LRP1B: variants seen among roughly 807,000 people sequenced by gnomAD.
The protein encoded by LRP1B is LDL receptor related protein 1B.
LRP1B carries 217 observed loss-of-function variants against 556.6 expected under a neutral mutation model. The ratio of observed to expected loss-of-function variants is 0.39; its 90% CI spans 0.35 to 0.44. The LOEUF (loss-of-function observed/expected upper bound fraction) is 0.44, where lower values mean the gene tolerates loss of function less well. Among genes scored for constraint, LRP1B ranks in the 20% least tolerant of loss-of-function variants. The probability of loss-of-function intolerance (pLI) is 1.00; values close to 1 mark genes in which losing one functional copy is unlikely to be tolerated. For missense variants in LRP1B, 5,053 were observed against 5,620.8 expected (o/e 0.90, Z 3.23); for synonymous variants, 2,047 against 1,865.8 (o/e 1.10, Z -2.50).
chr2:141,289,765 A>C (rs1455879297), intron 3 of LRP1B, among the ~76,000 whole-genome samples: 1 of 152,176 alleles, frequency 6.6e-6, no homozygotes, highest in African/African-American at 2.4e-5. Context: ...AACAGTAACA[A>C]TGTGTTTATA....
At chr2:141,102,604 A>G (rs1700490906) in intron 7 of LRP1B, among the ~76,000 whole-genome samples, 1 of 152,066 alleles carries the variant, frequency 6.6e-6, no homozygotes, top group East Asian at 1.9e-4. Context: ...CATGGCTGGT[A>G]CTCATTTGTT....
intron 1 of LRP1B, among the ~76,000 whole-genome samples, chr2:142,115,498 TAATA>T (rs1255221603): frequency 1.1e-5 from 1 of 91,134 alleles, no homozygotes; most frequent in African/African-American, 4.1e-5. Flanking sequence ...TAATTATATA[TAATA>T]TATATTATAT....
At chr2:142,108,383 T>A (rs187025715) in intron 1 of LRP1B, among the ~76,000 whole-genome samples, 1 of 151,554 alleles carries the variant, frequency 6.6e-6, no homozygotes, top group Non-Finnish European at 1.5e-5. Context: ...CTTTTCGTGT[T>A]ATCCACTAAG....
At chr2:142,086,644 A>AAACAAAC (rs747968319) in intron 1 of LRP1B, among the ~76,000 whole-genome samples, 10 of 147,382 alleles carry the variant, frequency 6.8e-5, no homozygotes, top group African/African-American at 1.3e-4. Flanking sequence ...AACAAACAAA[A>AAACAAAC]AAAAAACACA....
At chr2:140,481,549 C>A (rs927325852) in intron 59 of LRP1B, among the ~76,000 whole-genome samples, 21 of 149,644 alleles carry the variant, frequency 1.4e-4, no homozygotes, top group African/African-American at 5.1e-4. Context: ...TTTTCTAACT[C>A]AAAAAATGCT....
intron 35 of LRP1B, among the ~76,000 whole-genome samples, chr2:140,754,757 G>C (rs1357941385): frequency 7.7e-6 from 1 of 130,430 alleles, no homozygotes; most frequent in Non-Finnish European, 1.6e-5. Flanking sequence ...TAATCTTCTT[G>C]CTTAAGAACT....
chr2:141,907,144 A>G (rs889731477), intron 1 of LRP1B, among the ~76,000 whole-genome samples: 1 of 152,050 alleles, frequency 6.6e-6, no homozygotes, highest in Non-Finnish European at 1.5e-5. Context: ...TTTACTGTGT[A>G]TCTGCTCTAC....
At chr2:141,018,471 A>G (rs79150277) in intron 12 of LRP1B, among the ~76,000 whole-genome samples, 2,150 of 152,178 alleles carry the variant, frequency 0.014, 69 homozygotes, top group East Asian at 0.13. Context: ...TAGGTTTCTA[A>G]TATAATCTGG....
intron 11 of LRP1B, among the ~76,000 whole-genome samples, chr2:141,025,899 T>C (rs1573994232): frequency 6.6e-6 from 1 of 152,036 alleles, no homozygotes; most frequent in Non-Finnish European, 1.5e-5. Context: ...GAAAAGTATA[T>C]ATTTCAGAGG....
chr2:141,133,158 G>GA (rs1183887588), intron 7 of LRP1B, among the ~76,000 whole-genome samples: 4 of 151,656 alleles, frequency 2.6e-5, no homozygotes, highest in African/African-American at 9.7e-5. Flanking sequence ...AGCACCACAG[G>GA]AAAAAATGCA....
chr2:140,822,125 G>A (rs1691351066), intron 31 of LRP1B, among the ~76,000 whole-genome samples: 1 of 152,174 alleles, frequency 6.6e-6, no homozygotes, highest in Non-Finnish European at 1.5e-5. Flanking sequence ...TTTATATGAG[G>A]CTTAAGGGAT....
intron 3 of LRP1B, among the ~76,000 whole-genome samples, chr2:141,405,191 T>C (rs1306241416): frequency 6.6e-6 from 1 of 152,232 alleles, no homozygotes; most frequent in Non-Finnish European, 1.5e-5. Context: ...ATATTTATTA[T>C]AGTAGTAAAA....
chr2:141,037,826 G>A (rs1367140107), intron 11 of LRP1B, among the ~76,000 whole-genome samples: 1 of 150,560 alleles, frequency 6.6e-6, no homozygotes, highest in Non-Finnish European at 1.5e-5. Context: ...TCCAGCAGAA[G>A]GAAGACTTCC....
chr2:140,639,748 T>G (rs1386703028), intron 41 of LRP1B, among the ~76,000 whole-genome samples: 2 of 152,138 alleles, frequency 1.3e-5, no homozygotes, highest in Non-Finnish European at 2.9e-5. Flanking sequence ...AAATGTTATC[T>G]AGAATAAAAA....
intron 1 of LRP1B, among the ~76,000 whole-genome samples, chr2:142,000,295 C>T (rs1449567075): frequency 6.6e-6 from 1 of 152,140 alleles, no homozygotes; most frequent in Non-Finnish European, 1.5e-5. Flanking sequence ...ATTTCAGTTA[C>T]ACTCTGGGCC....
At chr2:140,585,070 T>C (rs1681930671) in intron 43 of LRP1B, among the ~76,000 whole-genome samples, 1 of 151,096 alleles carries the variant, frequency 6.6e-6, no homozygotes. Context: ...TTAGATGTTA[T>C]TATTCCTACA....
At chr2:141,122,563 C>T (rs1701087004) in intron 7 of LRP1B, among the ~76,000 whole-genome samples, 1 of 152,082 alleles carries the variant, frequency 6.6e-6, no homozygotes, top group Non-Finnish European at 1.5e-5. Context: ...CCATCTCACA[C>T]CAGTTAGAAT....
intron 66 of LRP1B, among the ~76,000 whole-genome samples, chr2:140,415,047 T>C (rs190704937): frequency 3.3e-5 from 5 of 152,150 alleles, no homozygotes; most frequent in Admixed American, 6.5e-5. Context: ...GTCTGTCTTA[T>C]TCGATTGAGA....
chr2:141,740,585 A>T (rs759783403), intron 2 of LRP1B, among the ~76,000 whole-genome samples: 2 of 152,188 alleles, frequency 1.3e-5, no homozygotes, highest in Non-Finnish European at 2.9e-5. Flanking sequence ...TTTGTGTTAC[A>T]AACTGTCCAA....
Sources: allele counts gnomAD v4.1 joint callset (sites outside exome capture counted in the v4.1 genomes callset), GRCh38; gene constraint gnomAD v4.1.1; transcripts MANE v1.5; gene names NCBI Gene and HGNC (gene_info 2026-07-23, HGNC 2026-07-21).